Variants in CRTC1 observed in about 807,000 individuals in gnomAD.
CRTC1 encodes CREB-regulated transcription coactivator 1.
Under a neutral mutation model 66.1 loss-of-function variants are expected in CRTC1, and 18 were observed. The observed-to-expected ratio is 0.27, with a 90% CI of 0.19 to 0.40. The LOEUF (loss-of-function observed/expected upper bound fraction) is 0.40, where lower values mean the gene tolerates loss of function less well. CRTC1 is among the 10% of genes least tolerant of loss of function. The pLI, the probability that CRTC1 is intolerant of heterozygous loss-of-function variation, is 1.00. For synonymous variants in CRTC1, 416 were observed against 398.8 expected, an observed-to-expected ratio of 1.04 and a Z score of -0.51; for missense variants, 669 against 887.9, an observed-to-expected ratio of 0.75 and a Z score of 3.13.
At chr19:18,746,606 C>T (rs562517478) in intron 3 of CRTC1, among the ~76,000 whole-genome samples, 3 of 152,180 alleles carry the variant, frequency 2.0e-5, no homozygotes, top group South Asian at 4.1e-4. Context: ...GCTTGTTCTC[C>T]GGTTCTCATT....
chr19:18,728,225 GA>G (rs1304911847), intron 1 of CRTC1, among the ~76,000 whole-genome samples: 7 of 152,206 alleles, frequency 4.6e-5, no homozygotes, highest in African/African-American at 1.7e-4. Flanking sequence ...AGGTTGCACA[GA>G]GGTTGGGAGA....
chr19:18,755,155 A>G (rs1963368263), intron 6 of CRTC1, among the ~76,000 whole-genome samples: 3 of 150,482 alleles, frequency 2.0e-5, no homozygotes, highest in Admixed American at 2.0e-4. Context: ...CACCTGGCTA[A>G]TTTTTGTATT....
chr19:18,717,812 T>G (rs2053541389), intron 1 of CRTC1, among the ~76,000 whole-genome samples: 1 of 151,898 alleles, frequency 6.6e-6, no homozygotes, highest in South Asian at 2.1e-4. Context: ...AAGGCAGCAG[T>G]GGTTTCCAGA....
At chr19:18,712,151 A>G (rs2053406090) in intron 1 of CRTC1, among the ~76,000 whole-genome samples, 1 of 152,032 alleles carries the variant, frequency 6.6e-6, no homozygotes, top group Non-Finnish European at 1.5e-5. Context: ...TATATTGCCC[A>G]GGCTGGTCTG....
At chr19:18,749,901 C>G in intron 5 of CRTC1, 26 bp downstream of exon 5, 1 of 1,593,296 alleles carries the variant, frequency 6.3e-7, no homozygotes, top group Non-Finnish European at 8.6e-7. Context: ...TCGGGTGTCT[C>G]TGCTGGGGTG....
In CRTC1 at chr19:18,771,634, A is replaced by T; in HGVS notation, c.1425+88A>T. 1.0e-6 allele frequency: 1 copy of T among 993,696 alleles called. No individual in the cohort carries two copies. Among genetic ancestry groups the T allele is most frequent in the African/African-American group, 1.6e-5 (1 of 62,104 alleles). 61.6% of individuals were successfully genotyped at this position (993,696 alleles called of 1,614,324 possible). A position where few individuals can be genotyped will look rare whatever the true frequency, so the allele number is the denominator to read the frequency against. On this transcript the variant is annotated intron_variant, in intron 11 of 13. Coordinates refer to ENST00000321949, the MANE Select transcript of CRTC1 (RefSeq NM_015321.3). The surrounding 1 kb of genome is among the most constrained non-coding windows in gnomAD (Gnocchi z 4.6). ...TGTTCCCTGCCCACTGTCTGTCCTC[A>T]TGCATCGCTCCTCATGCATGTCCTC...
intron 1 of CRTC1, among the ~76,000 whole-genome samples, chr19:18,719,977 C>A (rs1222579896): frequency 6.6e-6 from 1 of 152,192 alleles, no homozygotes; most frequent in African/African-American, 2.4e-5. Context: ...GGAGGGAGAC[C>A]CTGTTTCAAG....
chr19:18,691,706 C>T (rs1250952798), intron 1 of CRTC1, among the ~76,000 whole-genome samples: 3 of 151,724 alleles, frequency 2.0e-5, no homozygotes, highest in African/African-American at 4.8e-5. Flanking sequence ...ATGGGCCTGC[C>T]GGTGCCTCTT....
intron 1 of CRTC1, among the ~76,000 whole-genome samples, chr19:18,739,521 C>A (rs2054068115): frequency 1.3e-5 from 2 of 152,250 alleles, no homozygotes; most frequent in Admixed American, 1.3e-4. Context: ...TTCACCCCCT[C>A]ACATCTTTGT....
rs771436711 is a variant in CRTC1, at chr19:18,779,356, G to A, written c.*1974G>A. On this transcript the variant is annotated 3_prime_UTR_variant, in exon 14 of 14. Transcript: ENST00000321949. ...AAGGCTCCCTGGTCACGTTGCTCCT[G>A]CTGCCGTCTTGTTCCAAGGTGCGGG... 3.1e-5 allele frequency: 7 copies of A among 226,762 alleles called. No homozygotes were observed. The highest frequency in any genetic ancestry group is 5.7e-5 in the Admixed American group (1 of 17,544). The allele number at this position is 226,762 out of a possible 1,614,324, so 14.0% of individuals were successfully genotyped here. A position where few individuals can be genotyped will look rare whatever the true frequency, so the allele number is the denominator to read the frequency against.
chr19:18,718,614 A>G (rs764156849), intron 1 of CRTC1, among the ~76,000 whole-genome samples: 33 of 151,482 alleles, frequency 2.2e-4, no homozygotes, highest in Non-Finnish European at 4.0e-4. Context: ...AAGTGCTGGG[A>G]TTACAAGTGT....
intron 1 of CRTC1, among the ~76,000 whole-genome samples, chr19:18,706,308 C>G (rs917843755): frequency 2.8e-5 from 4 of 140,902 alleles, no homozygotes; most frequent in Admixed American, 1.6e-4. Flanking sequence ...GGGTTCAAAG[C>G]GATTCTCCTG....
chr19:18,690,100 AG>A (rs2052794751), intron 1 of CRTC1, among the ~76,000 whole-genome samples: 2 of 72,256 alleles, frequency 2.8e-5, no homozygotes, highest in South Asian at 1.1e-3. Flanking sequence ...GGGGAAGGGA[AG>A]GGGGGAGTGT....
At chr19:18,721,639 C>T (rs760597741) in intron 1 of CRTC1, among the ~76,000 whole-genome samples, 50 of 152,038 alleles carry the variant, frequency 3.3e-4, no homozygotes, top group Admixed American at 2.8e-3. Flanking sequence ...GAACTACAGG[C>T]GTGATCCACC....
chr19:18,693,452 G>A (rs1398915468), intron 1 of CRTC1, among the ~76,000 whole-genome samples: 1 of 150,616 alleles, frequency 6.6e-6, no homozygotes, highest in Non-Finnish European at 1.5e-5. Context: ...AATCAAGACA[G>A]GTTTTACCAA....
intron 5 of CRTC1, 32 bp downstream of exon 5, chr19:18,749,907 G>GACTTGCCTCACCCCA: frequency 1.3e-6 from 2 of 1,576,402 alleles, no homozygotes; most frequent in Non-Finnish European, 1.7e-6. Flanking sequence ...GTCTCTGCTG[G>GACTTGCCTCACCCCA]GGTGAGGCAA....
At chr19:18,745,051 T>A (rs2054199918) in intron 2 of CRTC1, among the ~76,000 whole-genome samples, 1 of 152,158 alleles carries the variant, frequency 6.6e-6, no homozygotes, top group South Asian at 2.1e-4. Flanking sequence ...CCCAGTCAGA[T>A]GGCAAGTGGG....
rs2054794778 is a variant in CRTC1, at chr19:18,768,743, T to C, written c.1270T>C (p.Ser424Pro). ...CACGGTACCGTCCTCTCTCCCCCAG[T>C]CCCCCCCAGAGAACCCTGGCCAGCC... ...AVTVPSSLPQSPPENPGQPSM... is the reference protein window; with the variant it reads ...AVTVPSSLPQPPPENPGQPSM... Residue 424 changes from serine (S) to proline (P), a missense_variant, in exon 10 of 14, where the codon TCC (serine) becomes CCC (proline). Coordinates refer to ENST00000321949, the MANE Select transcript of CRTC1 (RefSeq NM_015321.3). The surrounding 1 kb of genome is among the most constrained non-coding windows in gnomAD (Gnocchi z 5.6). 1.3e-6 allele frequency: 2 copies of C among 1,597,186 alleles called. No individual in the cohort carries two copies. The highest frequency in any genetic ancestry group is 1.4e-5 in the African/African-American group (1 of 73,742).
chr19:18,765,648 A>G (rs778385202), intron 9 of CRTC1, 120 bp downstream of exon 9: 30 of 965,716 alleles, frequency 3.1e-5, no homozygotes, highest in Non-Finnish European at 4.1e-5. Flanking sequence ...GAATGCTCCC[A>G]ACACTTTTAG....
Sources: gnomAD v4.1 joint callset for allele counts (sites outside exome capture counted in the v4.1 genomes callset) on GRCh38, gnomAD v4.1.1 for gene constraint, Gnocchi (gnomAD v3.1) non-coding constraint, MANE v1.5 for transcripts, NCBI Gene and HGNC (gene_info 2026-07-23, HGNC 2026-07-21) for gene names.